The following BCL11A variants were observed in gnomAD, a reference collection of about 807,000 sequenced individuals.
BCL11A encodes the protein BCL11 transcription factor A.
BCL11A carries 2 observed loss-of-function variants against 55.9 expected under a neutral mutation model. The ratio of observed to expected loss-of-function variants is 0.04; its 90% CI spans 0.01 to 0.11. The LOEUF (loss-of-function observed/expected upper bound fraction) is 0.11, where lower values mean the gene tolerates loss of function less well. Among genes scored for constraint, BCL11A ranks in the 10% least tolerant of loss-of-function variants. The pLI, the probability that BCL11A is intolerant of heterozygous loss-of-function variation, is 1.00. For missense variants in BCL11A, 817 were observed against 1,137.1 expected (o/e 0.72, Z 4.05); for synonymous variants, 465 against 473.4 (o/e 0.98, Z 0.23).
At chr2:60,484,915 A>G (rs924574543) in intron 2 of BCL11A, among the ~76,000 whole-genome samples, 3 of 151,484 alleles carry the variant, frequency 2.0e-5, no homozygotes, top group Non-Finnish European at 4.4e-5. Flanking sequence ...TCCAAATTTT[A>G]TCAAGTTCAA....
Position 60,545,844 on chromosome 2 carries a change from G to C in BCL11A, c.385+127C>G, listed in dbSNP as rs114566772. ...CAGAAATGATTATTTTAACATTACA[G>C]GGCTGTCATGGACAGTCACATAGAG... On this transcript the variant is annotated intron_variant, in intron 2 of 3. Coordinates refer to ENST00000642384, the MANE Select transcript of BCL11A (RefSeq NM_022893.4). 3.7e-3 allele frequency: 2,780 copies of C among 741,850 alleles called. 55 individuals are homozygous for C. In the African/African-American group the frequency reaches 0.043, roughly 11 times the overall value. The allele number at this position is 741,850 out of a possible 1,614,324, so 46.0% of individuals were successfully genotyped here. A position where few individuals can be genotyped will look rare whatever the true frequency, so the allele number is the denominator to read the frequency against.
At chr2:60,523,564 T>C (rs1182610441) in intron 2 of BCL11A, among the ~76,000 whole-genome samples, 2 of 152,184 alleles carry the variant, frequency 1.3e-5, no homozygotes, top group Non-Finnish European at 1.5e-5. Flanking sequence ...CGTATGTATA[T>C]ATGTAGTATG....
chr2:60,526,913 A>G (rs1277671754), intron 2 of BCL11A: 1 of 152,228 alleles, frequency 6.6e-6, no homozygotes, highest in African/African-American at 2.4e-5. Flanking sequence ...GTAAATTATC[A>G]CTAGTCAACA....
intron 2 of BCL11A, among the ~76,000 whole-genome samples, chr2:60,500,363 C>T (rs1679214644): frequency 1.3e-5 from 2 of 152,188 alleles, no homozygotes; most frequent in African/African-American, 4.8e-5. Context: ...CCTCTGCTTC[C>T]CCGCCACCAT....
rs762737500 is a variant in BCL11A, at chr2:60,553,196, A to G, written c.55+20T>C. On this transcript the variant is annotated intron_variant, in intron 1 of 3. Coordinates refer to ENST00000642384, the MANE Select transcript of BCL11A (RefSeq NM_022893.4). ...CTCGTGATTATTAATAATTATTATT[A>G]CTATTATTGGGTTACTTACGCGAGA... 1.9e-6 allele frequency: 3 copies of G among 1,596,048 alleles called. No individual in the cohort carries two copies. The highest frequency in any genetic ancestry group is 2.6e-6 in the Non-Finnish European group (3 of 1,172,854).
chr2:60,505,860 A>G lies in BCL11A; in HGVS notation c.386-37027T>C, dbSNP rs541568930. 2.0e-5 allele frequency among the ~76,000 whole-genome samples: 3 copies of G among 152,324 alleles called. No homozygotes were observed. The East Asian group carries it at 5.8e-4, about 29-fold the overall frequency. ...ACAACTCTACCTGAGGGAGGGGGAAATCCCTCCCAAAACAACGGTGGGCAG... is the reference window on the plus strand; with the variant it reads ...ACAACTCTACCTGAGGGAGGGGGAAGTCCCTCCCAAAACAACGGTGGGCAG... On this transcript the variant is annotated intron_variant, in intron 2 of 3. Coordinates refer to ENST00000642384, the MANE Select transcript of BCL11A (RefSeq NM_022893.4).
At chr2:60,480,352 G>A (rs1487011387) in intron 2 of BCL11A, among the ~76,000 whole-genome samples, 1 of 152,218 alleles carries the variant, frequency 6.6e-6, no homozygotes, top group Non-Finnish European at 1.5e-5. Context: ...AGACTCAGTG[G>A]TCTACCTCTG....
intron 2 of BCL11A, among the ~76,000 whole-genome samples, chr2:60,507,245 AGGGG>A (rs1558652652): frequency 0.079 from 124 of 1,572 alleles, 29 homozygotes; most frequent in East Asian, 0.32. Context: ...GGAGGGAGGG[AGGGG>A]AGGGGAGGGG....
intron 2 of BCL11A, among the ~76,000 whole-genome samples, chr2:60,496,143 CAG>C (rs1459919857): frequency 2.0e-5 from 3 of 152,200 alleles, no homozygotes; most frequent in Non-Finnish European, 4.4e-5. Flanking sequence ...ATTACGGAAA[CAG>C]GGAATTGTTC....
exon 5 of BCL11A, chr2:60,452,177 G>A (rs1675752102): frequency 4.3e-6 from 1 of 232,206 alleles, no homozygotes; most frequent in Non-Finnish European, 8.5e-6. Flanking sequence ...AACATTTATT[G>A]TGTCAATGTT....
chr2:60,524,481 C>G (rs1030846226), intron 2 of BCL11A: 2 of 149,926 alleles, frequency 1.3e-5, no homozygotes, highest in African/African-American at 4.9e-5. Flanking sequence ...GTTTTTTTTT[C>G]TTTTTTCTTG....
In BCL11A at chr2:60,462,396, A is replaced by G. The variant is rs1676369994; in HGVS notation, c.516T>C (p.Cys172=). 1 of 1,611,010 alleles carries G rather than the reference A, an allele frequency of 6.2e-7. No individual in the cohort carries two copies. Among genetic ancestry groups the G allele is most frequent in the Admixed American group, 1.7e-5 (1 of 59,606 alleles). Residue 172 remains cysteine, a synonymous_variant, in exon 4 of 4, where the codon TGT becomes TGC. Transcript: ENST00000642384. ...TGGTGAATGGCTGTTTGCAAGTTGT[A>G]CATGTGTAGCTGCTGGGCTCATCTT... ...ICKDEPSSYT[C]TTCKQPFTSA...
At chr2:60,500,997 T>A (rs1042533601) in intron 2 of BCL11A, among the ~76,000 whole-genome samples, 1 of 152,140 alleles carries the variant, frequency 6.6e-6, no homozygotes, top group Non-Finnish European at 1.5e-5. Flanking sequence ...TGCATCCTCC[T>A]CTGTAAAATG....
At chr2:60,545,377 A>T (rs565974554) in intron 2 of BCL11A, 5 of 154,328 alleles carry the variant, frequency 3.2e-5, no homozygotes, top group African/African-American at 9.6e-5. Flanking sequence ...TCATCCCACC[A>T]CGGGGCTGTG....
At chr2:60,484,120 C>T (rs75215748) in intron 2 of BCL11A, 1 of 152,336 alleles carries the variant, frequency 6.6e-6, no homozygotes, top group Middle Eastern at 3.4e-3. Flanking sequence ...GCTTTTGATG[C>T]TTCGTCTGTG....
chr2:60,508,963 AG>A (rs1255168956), intron 2 of BCL11A: 1 of 152,264 alleles, frequency 6.6e-6, no homozygotes, highest in Non-Finnish European at 1.5e-5. Context: ...TTGAATCCTG[AG>A]GACCAAGGAG....
intron 3 of BCL11A, among the ~76,000 whole-genome samples, chr2:60,467,159 G>GGTGGTGT: frequency 7.8e-6 from 1 of 128,786 alleles, no homozygotes; most frequent in African/African-American, 3.2e-5. Context: ...GGTGGTGGTG[G>GGTGGTGT]TGGTGGTGAT....
chr2:60,472,624 C>A (rs1162583060), intron 2 of BCL11A, among the ~76,000 whole-genome samples: 1 of 152,196 alleles, frequency 6.6e-6, no homozygotes, highest in African/African-American at 2.4e-5. Context: ...GGTCACTTTA[C>A]ATTTCTACAT....
upstream of BCL11A, chr2:60,553,732 G>C (rs1670518387): frequency 6.3e-6 from 1 of 157,558 alleles, no homozygotes; most frequent in Non-Finnish European, 1.4e-5. Context: ...CACACATCAG[G>C]GGCTGGACAT....
Sources: allele counts gnomAD v4.1 joint callset (sites outside exome capture counted in the v4.1 genomes callset), GRCh38; gene constraint gnomAD v4.1.1; transcripts MANE v1.5; gene names NCBI Gene and HGNC (gene_info 2026-07-23, HGNC 2026-07-21).